The following CACNA2D1 variants were observed in gnomAD, a reference collection of about 807,000 sequenced individuals.
CACNA2D1 encodes voltage-dependent calcium channel subunit alpha-2/delta-1.
In CACNA2D1, 53 loss-of-function variants were observed where a neutral mutation model predicts 171.5. The observed-to-expected ratio is 0.31, with a 90% CI of 0.25 to 0.39. The LOEUF is 0.39. Among genes scored for constraint, CACNA2D1 ranks in the 10% least tolerant of loss-of-function variants. The pLI, the probability that CACNA2D1 is intolerant of heterozygous loss-of-function variation, is 1.00. For synonymous variants in CACNA2D1, 442 were observed against 443.1 expected, an observed-to-expected ratio of 1.00 and a Z score of 0.03; for missense variants, 903 against 1,299.8, an observed-to-expected ratio of 0.69 and a Z score of 4.69.
chr7:81,970,593 G>A (rs1465733876), intron 27 of CACNA2D1, 82 bp downstream of exon 27: 1 of 796,090 alleles, frequency 1.3e-6, no homozygotes, highest in Non-Finnish European at 2.3e-6. Context: ...TTTGAAGAAT[G>A]GCTTCCTTAA....
intron 18 of CACNA2D1, among the ~76,000 whole-genome samples, chr7:81,998,331 G>A (rs1045625435): frequency 6.6e-5 from 10 of 151,882 alleles, no homozygotes; most frequent in African/African-American, 2.4e-4. Context: ...CTGGATTAGT[G>A]CAAAGGTCAC....
rs928389661 is a variant in CACNA2D1 at position 82,084,685 on chromosome 7, T to G, written c.658+84A>C. On this transcript the variant is annotated intron_variant, in intron 7 of 38. Transcript: ENST00000356860. Reference sequence around the variant, plus strand: ...GTAGTGTGATATAGTCATATTTTTCTTACAGTATCAGGGAAGATAACAGAG... The same window carrying G: ...GTAGTGTGATATAGTCATATTTTTCGTACAGTATCAGGGAAGATAACAGAG... 8.2e-5 allele frequency: 118 copies of G among 1,440,762 alleles called. No individual in the cohort carries two copies. In the African/African-American group the frequency reaches 1.4e-3, roughly 17 times the overall value. The allele number at this position is 1,440,762 out of a possible 1,614,324, so 89.2% of individuals were successfully genotyped here. A position where few individuals can be genotyped will look rare whatever the true frequency, so the allele number is the denominator to read the frequency against.
At chr7:82,414,428 A>C (rs1302843321) in intron 1 of CACNA2D1, among the ~76,000 whole-genome samples, 2 of 152,208 alleles carry the variant, frequency 1.3e-5, no homozygotes, top group African/African-American at 2.4e-5. Flanking sequence ...CCCCACACAC[A>C]TATTACAGAA....
At chr7:82,212,000 T>C (rs773026758) in intron 3 of CACNA2D1, among the ~76,000 whole-genome samples, 5 of 152,222 alleles carry the variant, frequency 3.3e-5, no homozygotes, top group South Asian at 2.1e-4. Context: ...AGCATTGTTA[T>C]ATGCTTGTTG....
At chr7:82,387,735 C>T (rs1328292470) in intron 1 of CACNA2D1, among the ~76,000 whole-genome samples, 1 of 152,092 alleles carries the variant, frequency 6.6e-6, no homozygotes. Flanking sequence ...AATTAAAGTA[C>T]ATTAGAATAG....
At chr7:82,224,665 T>C (rs1222611226) in intron 3 of CACNA2D1, among the ~76,000 whole-genome samples, 1 of 152,204 alleles carries the variant, frequency 6.6e-6, no homozygotes, top group Non-Finnish European at 1.5e-5. Context: ...TGAGGAGATG[T>C]AGCTCCCTGT....
intron 3 of CACNA2D1, among the ~76,000 whole-genome samples, chr7:82,217,414 T>C (rs200071301): frequency 7.7e-5 from 6 of 77,866 alleles, no homozygotes; most frequent in Non-Finnish European, 1.9e-4. Context: ...TATATATATA[T>C]ATATATATAT....
intron 10 of CACNA2D1, among the ~76,000 whole-genome samples, chr7:82,057,074 C>T (rs1168078581): frequency 2.6e-5 from 4 of 152,162 alleles, no homozygotes; most frequent in East Asian, 1.9e-4. Context: ...CTTCAAAATG[C>T]GATATGTATT....
intron 3 of CACNA2D1, among the ~76,000 whole-genome samples, chr7:82,300,589 T>A (rs1812873590): frequency 6.6e-6 from 1 of 152,130 alleles, no homozygotes; most frequent in Non-Finnish European, 1.5e-5. Context: ...CAGTAATTAT[T>A]TCTAACTCCT....
chr7:82,438,716 A>G (rs899809657), intron 1 of CACNA2D1, among the ~76,000 whole-genome samples: 1 of 152,214 alleles, frequency 6.6e-6, no homozygotes, highest in Admixed American at 6.5e-5. Context: ...TGGTTGACAC[A>G]GTTAGTGACA....
intron 3 of CACNA2D1, among the ~76,000 whole-genome samples, chr7:82,332,508 T>TAAGAA (rs1238319833): frequency 5.8e-5 from 2 of 34,650 alleles, no homozygotes; most frequent in African/African-American, 7.5e-5. Context: ...AAAAAAGAAA[T>TAAGAA]ATAAAGAAAG....
At chr7:82,439,516 C>G (rs144274635) in intron 1 of CACNA2D1, among the ~76,000 whole-genome samples, 1 of 151,462 alleles carries the variant, frequency 6.6e-6, no homozygotes, top group Middle Eastern at 3.2e-3. Flanking sequence ...TAATGAAAGC[C>G]ATGGGAGGGG....
At chr7:81,958,042 T>A (rs1465086610) in intron 38 of CACNA2D1, among the ~76,000 whole-genome samples, 1 of 151,936 alleles carries the variant, frequency 6.6e-6, no homozygotes, top group Admixed American at 6.6e-5. Flanking sequence ...GGCAACGTGC[T>A]GAAGTTGCAG....
At chr7:81,962,325 G>T in intron 35 of CACNA2D1, 115 bp downstream of exon 35, 1 of 815,606 alleles carries the variant, frequency 1.2e-6, no homozygotes, top group South Asian at 1.5e-5. Flanking sequence ...ATTATGAGAT[G>T]GGTGACCTGT....
At chr7:82,189,223 T>G (rs1206405166) in intron 3 of CACNA2D1, among the ~76,000 whole-genome samples, 1 of 152,006 alleles carries the variant, frequency 6.6e-6, no homozygotes, top group African/African-American at 2.4e-5. Context: ...AACACTATGA[T>G]GAAAATGGTA....
At position 81,950,039 on chromosome 7, in the gene CACNA2D1, C is replaced by T. The variant is rs146833935; in HGVS notation, c.*353G>A. ...ATTGCAGCAAGTCAAAATTCCAGGT[C>T]AATATCAAGACATTTCTTATGGTTC... On this transcript the variant is annotated 3_prime_UTR_variant, in exon 39 of 39. Transcript: ENST00000356860. 9 of 200,944 alleles carry T rather than the reference C, an allele frequency of 4.5e-5. No homozygotes were observed. The highest frequency in any genetic ancestry group is 7.0e-5 in the Non-Finnish European group (7 of 99,590). The allele number at this position is 200,944 out of a possible 1,614,324, so 12.4% of individuals were successfully genotyped here. A position where few individuals can be genotyped will look rare whatever the true frequency, so the allele number is the denominator to read the frequency against.
chr7:82,067,894 A>G (rs1164995665), intron 7 of CACNA2D1, among the ~76,000 whole-genome samples: 1 of 152,166 alleles, frequency 6.6e-6, no homozygotes, highest in Non-Finnish European at 1.5e-5. Context: ...TGCTATGCTG[A>G]TAATACATTT....
intron 1 of CACNA2D1, among the ~76,000 whole-genome samples, chr7:82,404,458 G>C (rs939840371): frequency 6.6e-6 from 1 of 152,162 alleles, no homozygotes; most frequent in Non-Finnish European, 1.5e-5. Flanking sequence ...ATAAGTTAGG[G>C]AAGAATCCTT....
rs1435356855 is a variant in CACNA2D1 at position 82,111,273 on chromosome 7, CACAT to C, written c.526+5767_526+5770del. The stretch of plus-strand genomic sequence containing the variant: ...TTTCCTTGATATATATATATACACA[CACAT>C]ATATATATGTCTGGGTATATATATA... On this transcript the variant is annotated intron_variant, in intron 6 of 38. Transcript: ENST00000356860. Among the ~76,000 whole-genome samples, 97 of 128,204 alleles carry C rather than the reference CACAT, an allele frequency of 7.6e-4. 1 individual carries two copies. Among genetic ancestry groups the C allele is most frequent in the African/African-American group, 3.1e-3 (93 of 30,262 alleles). 84.1% of individuals were successfully genotyped at this position (128,204 alleles called of 152,430 possible). A position where few individuals can be genotyped will look rare whatever the true frequency, so the allele number is the denominator to read the frequency against.
Sources: allele counts gnomAD v4.1 joint callset (sites outside exome capture counted in the v4.1 genomes callset), GRCh38; gene constraint gnomAD v4.1.1; transcripts MANE v1.5; gene names NCBI Gene and HGNC (gene_info 2026-07-23, HGNC 2026-07-21).